The following ELAPOR2 variants were observed in gnomAD, a reference collection of about 807,000 sequenced individuals.
The protein encoded by ELAPOR2 is endosome-lysosome associated apoptosis and autophagy regulator family member 2.
A neutral mutation model predicts 120.7 loss-of-function variants in ELAPOR2; 89 were observed. That is an observed-to-expected ratio of 0.74 (90% CI 0.62 to 0.88). ELAPOR2 has a LOEUF of 0.88. Among genes scored for constraint, ELAPOR2 ranks in the 40% least tolerant of loss-of-function variants. The probability of loss-of-function intolerance (pLI) is 0.00; values close to 1 mark genes in which losing one functional copy is unlikely to be tolerated. For synonymous variants in ELAPOR2, 444 were observed against 444.9 expected (o/e 1.00, Z 0.03); for missense variants, 1,134 against 1,251.6 (o/e 0.91, Z 1.42).
intron 1 of ELAPOR2, among the ~76,000 whole-genome samples, chr7:87,030,390 A>AGTC (rs1354961435): frequency 0.019 from 2,828 of 152,278 alleles, 95 homozygotes; most frequent in African/African-American, 0.065. Context: ...ATCTTGTTCT[A>AGTC]AATGCAAACA....
chr7:86,951,399 A>G (rs1036840358), intron 2 of ELAPOR2, among the ~76,000 whole-genome samples: 1 of 152,258 alleles, frequency 6.6e-6, no homozygotes, highest in Non-Finnish European at 1.5e-5. Flanking sequence ...AAAATATAAA[A>G]AAGAGAAGAA....
intron 9 of ELAPOR2, 116 bp downstream of exon 9, chr7:86,926,619 TA>T: frequency 9.4e-7 from 1 of 1,063,134 alleles, no homozygotes; most frequent in Non-Finnish European, 1.3e-6. Context: ...TTTTGTCTAC[TA>T]AAACTAAAAG....
At chr7:86,986,752 G>T (rs1172934311) in intron 1 of ELAPOR2, among the ~76,000 whole-genome samples, 2 of 151,646 alleles carry the variant, frequency 1.3e-5, no homozygotes, top group South Asian at 2.1e-4. Context: ...AATCAATATC[G>T]TGAAAATGGC....
rs932960116 is a variant in ELAPOR2 at position 87,023,529 on chromosome 7, A to G, written c.189+35796T>C. ...CTCCAGCTTTGTTCTTTTGGCTTAG[A>G]ATTGACTTGGCAATGCGGGCTCTTT... On this transcript the variant is annotated intron_variant, in intron 1 of 21. Transcript: ENST00000450689. Among the ~76,000 whole-genome samples, 37 of 152,166 alleles carry G rather than the reference A, an allele frequency of 2.4e-4. No individual in the cohort carries two copies. In the East Asian group the frequency reaches 4.5e-3, roughly 18 times the overall value.
intron 1 of ELAPOR2, among the ~76,000 whole-genome samples, chr7:87,015,896 A>G (rs1427020556): frequency 6.6e-6 from 1 of 152,168 alleles, no homozygotes; most frequent in Non-Finnish European, 1.5e-5. Flanking sequence ...AAATTTTCTT[A>G]AAGTAGGTTG....
At chr7:86,921,721 CT>C (rs1313115504) in intron 10 of ELAPOR2, among the ~76,000 whole-genome samples, 3 of 152,098 alleles carry the variant, frequency 2.0e-5, no homozygotes, top group Non-Finnish European at 4.4e-5. Flanking sequence ...TCTGAACCCC[CT>C]GACTCAGAAC....
At chr7:87,054,225 T>A (rs995107092) in intron 1 of ELAPOR2, among the ~76,000 whole-genome samples, 2 of 152,172 alleles carry the variant, frequency 1.3e-5, no homozygotes, top group Non-Finnish European at 2.9e-5. Flanking sequence ...CAATAAAGAA[T>A]TATTATAAGA....
rs546703637 is a variant in ELAPOR2 at position 86,879,641 on chromosome 7, G to C, written c.*830C>G. On this transcript the variant is annotated 3_prime_UTR_variant, in exon 22 of 22. Coordinates refer to ENST00000450689, the MANE Select transcript of ELAPOR2 (RefSeq NM_001142749.3). ...TTCTTCATGATTTTGCCAGTGATTTGATTGACAAGCTTTCCTATTTACTTT... is the reference window on the plus strand; with the variant it reads ...TTCTTCATGATTTTGCCAGTGATTTCATTGACAAGCTTTCCTATTTACTTT... 1.1e-3 allele frequency: 169 copies of C among 152,240 alleles called. 1 individual carries two copies. Among genetic ancestry groups the C allele is most frequent in the African/African-American group, 3.8e-3 (156 of 41,558 alleles). The allele number at this position is 152,240 out of a possible 1,614,324, so 9.4% of individuals were successfully genotyped here. A position where few individuals can be genotyped will look rare whatever the true frequency, so the allele number is the denominator to read the frequency against.
At chr7:87,037,951 C>G (rs1399961354) in intron 1 of ELAPOR2, among the ~76,000 whole-genome samples, 2 of 152,198 alleles carry the variant, frequency 1.3e-5, no homozygotes, top group Non-Finnish European at 2.9e-5. Context: ...TGCTTCTATA[C>G]AGCCCTGTGA....
At position 86,926,934 on chromosome 7, in the gene ELAPOR2, A is replaced by AG; in HGVS notation, c.1090-19_1090-18insC. 1 of 1,484,596 alleles carries AG rather than the reference A, an allele frequency of 6.7e-7. No homozygotes were observed. Among genetic ancestry groups the AG allele is most frequent in the Non-Finnish European group, 8.9e-7 (1 of 1,124,156 alleles). 92.0% of individuals were successfully genotyped at this position (1,484,596 alleles called of 1,614,324 possible). A position where few individuals can be genotyped will look rare whatever the true frequency, so the allele number is the denominator to read the frequency against. On this transcript the variant is annotated intron_variant, in intron 8 of 21. Transcript: ENST00000450689. Reference sequence around the variant, plus strand: ...ATCTGTGTCTACAAAAAAAAAAAAAAAAAAAAAGCAACCAAGTCATATAAC... The same window carrying AG: ...ATCTGTGTCTACAAAAAAAAAAAAAAGAAAAAAAGCAACCAAGTCATATAAC...
In ELAPOR2 at chr7:86,944,933, T is replaced by C; in HGVS notation, c.620A>G (p.Gln207Arg). 1 of 1,549,958 alleles carries C rather than the reference T, an allele frequency of 6.5e-7. No individual in the cohort carries two copies. The highest frequency in any genetic ancestry group is 8.7e-7 in the Non-Finnish European group (1 of 1,146,398). ...KKSGYVFFEYQYVDNNIFFEF... is the reference protein window; with the variant it reads ...KKSGYVFFEYRYVDNNIFFEF... Reference sequence around the variant, plus strand: ...AAAGAAGATGTTGTTGTCGACATACTGGTACTCAAAGAAGACATAGCCTGA... The same window carrying C: ...AAAGAAGATGTTGTTGTCGACATACCGGTACTCAAAGAAGACATAGCCTGA... The change falls in exon 4 of 22, where the codon CAG becomes CGG. Residue 207 changes from glutamine to arginine, a missense_variant. Gln to Arg is a conservative substitution (Grantham distance 43, BLOSUM62 1). This residue lies in a region of ELAPOR2 where 280 missense variants were observed against 331.5 expected (regional missense o/e 0.84). Transcript: ENST00000450689.
At chr7:87,042,666 C>A (rs1208490839) in intron 1 of ELAPOR2, among the ~76,000 whole-genome samples, 1 of 151,984 alleles carries the variant, frequency 6.6e-6, no homozygotes, top group Non-Finnish European at 1.5e-5. Context: ...CAGGAAAGAT[C>A]CAAAATTGGC....
intron 1 of ELAPOR2, among the ~76,000 whole-genome samples, chr7:87,036,742 T>A (rs187754174): frequency 7.9e-5 from 12 of 152,164 alleles, no homozygotes; most frequent in African/African-American, 2.7e-4. Flanking sequence ...TGGGTACTCA[T>A]GGAATTAAAG....
At chr7:87,000,292 A>G (rs1562962809) in intron 1 of ELAPOR2, among the ~76,000 whole-genome samples, 1 of 152,138 alleles carries the variant, frequency 6.6e-6, no homozygotes, top group Non-Finnish European at 1.5e-5. Flanking sequence ...ATTTAGGAAA[A>G]GCCTTTCCCT....
At chr7:86,993,267 G>C (rs1053227878) in intron 1 of ELAPOR2, among the ~76,000 whole-genome samples, 8 of 128,162 alleles carry the variant, frequency 6.2e-5, no homozygotes, top group Non-Finnish European at 1.2e-4. Context: ...GAAAAGAAAA[G>C]GAAAGAAAAA....
At position 86,880,772 on chromosome 7, in the gene ELAPOR2, T is replaced by C. The variant is rs570572144; in HGVS notation, c.3031-242A>G. 2.6e-5 allele frequency among the ~76,000 whole-genome samples: 4 copies of C among 151,576 alleles called. No homozygotes were observed. In the South Asian group the frequency reaches 8.5e-4, roughly 32 times the overall value. Reference sequence around the variant, plus strand: ...ATTCAAAATAGAAGCAAACCCATGATTGCAATAGATACCAAAAGACATAGC... The same window carrying C: ...ATTCAAAATAGAAGCAAACCCATGACTGCAATAGATACCAAAAGACATAGC... On this transcript the variant is annotated intron_variant, in intron 21 of 21. Coordinates refer to ENST00000450689, the MANE Select transcript of ELAPOR2 (RefSeq NM_001142749.3).
Position 86,966,063 on chromosome 7 carries a change from G to A in ELAPOR2, c.190-1039C>T, listed in dbSNP as rs961260035. ...CCCAAATCATCAAGTCTGGGTTCCC[G>A]TTTATTTAACAGTTCTTCCCTCAAT... is the stretch of plus-strand genomic sequence containing the variant. On this transcript the variant is annotated intron_variant, in intron 1 of 21. Transcript: ENST00000450689. 8 of 570,200 alleles carry A rather than the reference G, an allele frequency of 1.4e-5. No homozygotes were observed. The South Asian group carries it at 3.1e-4, about 22-fold the overall frequency. The allele number at this position is 570,200 out of a possible 1,614,324, so 35.3% of individuals were successfully genotyped here.
At chr7:87,043,743 C>T (rs200826628) in intron 1 of ELAPOR2, among the ~76,000 whole-genome samples, 9 of 151,530 alleles carry the variant, frequency 5.9e-5, no homozygotes, top group South Asian at 2.1e-4. Flanking sequence ...CAACATAGTG[C>T]TGGAAGTTCT....
intron 8 of ELAPOR2, among the ~76,000 whole-genome samples, chr7:86,935,625 C>T (rs578035307): frequency 6.6e-6 from 1 of 151,930 alleles, no homozygotes; most frequent in Non-Finnish European, 1.5e-5. Flanking sequence ...ATTTTCAGGC[C>T]TTCCTCCAGA....
Sources: allele counts gnomAD v4.1 joint callset (sites outside exome capture counted in the v4.1 genomes callset), GRCh38; gene constraint gnomAD v4.1.1; regional missense constraint gnomAD v4.1.1; transcripts MANE v1.5; gene names NCBI Gene and HGNC (gene_info 2026-07-23, HGNC 2026-07-21).